KANSL3: variants seen among roughly 807,000 people sequenced by gnomAD.
KANSL3 encodes NSL complex protein NSL3.
KANSL3 carries 16 observed loss-of-function variants against 89.2 expected under a neutral mutation model. The ratio of observed to expected loss-of-function variants is 0.18; its 90% CI spans 0.12 to 0.27. The LOEUF is 0.27. Ranked by LOEUF, KANSL3 falls within the 10% of genes least tolerant of loss-of-function variation. The probability of loss-of-function intolerance (pLI) is 1.00; values close to 1 mark genes in which losing one functional copy is unlikely to be tolerated. For synonymous variants in KANSL3, 385 were observed against 419.7 expected (o/e 0.92, Z 1.01); for missense variants, 879 against 1,110.6 (o/e 0.79, Z 2.96).
At position 96,608,848 on chromosome 2, in the gene KANSL3, TC is replaced by T; in HGVS notation, c.1584+15del. ...CTGATTCCCCAGCAAAAGCGCTCCC[TC>T]CCTGCTCACACTACCTCTGAGCCTG... On this transcript the variant is annotated intron_variant, in intron 13 of 20. Transcript: ENST00000431828. 1 of 1,555,258 alleles carries T rather than the reference TC, an allele frequency of 6.4e-7. No homozygotes were observed. The highest frequency in any genetic ancestry group is 8.7e-7 in the Non-Finnish European group (1 of 1,150,398).
the KANSL3 span, among the ~76,000 whole-genome samples, chr2:96,585,019 G>T: frequency 6.6e-6 from 1 of 152,150 alleles, no homozygotes; most frequent in African/African-American, 2.4e-5. Flanking sequence ...CAAACGCTGC[G>T]GTGGATGTGG....
rs763410625 is a variant in KANSL3 at position 96,608,790 on chromosome 2, T to A, written c.1584+74A>T. The A allele has an allele frequency of 1.7e-5, 26 of 1,520,368 alleles. No individual in the cohort carries two copies. The African/African-American group carries it at 2.9e-4, about 17-fold the overall frequency. 94.2% of individuals were successfully genotyped at this position (1,520,368 alleles called of 1,614,324 possible). On this transcript the variant is annotated intron_variant, in intron 13 of 20. Coordinates refer to ENST00000431828, the MANE Select transcript of KANSL3 (RefSeq NM_001115016.3). Reference sequence around the variant, plus strand: ...CCATGGCACTAATAAGACAGAGGCATCCCCAGGAAATTAAGGAACCAACTC... The same window carrying A: ...CCATGGCACTAATAAGACAGAGGCAACCCCAGGAAATTAAGGAACCAACTC...
intron 2 of KANSL3, among the ~76,000 whole-genome samples, chr2:96,634,733 T>C (rs1470693369): frequency 1.3e-5 from 2 of 152,194 alleles, no homozygotes; most frequent in Admixed American, 6.5e-5. Flanking sequence ...TGAAATGAAA[T>C]CATGTGCAGC....
At chr2:96,590,286 TG>T (rs1180709646), downstream of KANSL3, among the ~76,000 whole-genome samples, 1 of 152,080 alleles carries the variant, frequency 6.6e-6, no homozygotes, top group Admixed American at 6.6e-5. Context: ...TGAAAAACAG[TG>T]GCAGTTTCTT....
rs373463710 is a variant in KANSL3 at position 96,604,855 on chromosome 2, C to T, written c.1942G>A (p.Gly648Arg). ...SQGSAPEAAG[G>R]KPITMTLGQA... ...CCCAGTGTCATGGTGATGGGCTTCC[C>T]ACCTGCAGCTTCAAAACAGAAAACC... Residue 648 changes from glycine to arginine, a missense_variant, in exon 16 of 21, where the codon GGG becomes AGG. This residue lies in a region of KANSL3 where 317 missense variants were observed against 311.2 expected (regional missense o/e 1.02). Coordinates refer to ENST00000431828, the MANE Select transcript of KANSL3 (RefSeq NM_001115016.3). 4 of 1,592,154 alleles carry T rather than the reference C, an allele frequency of 2.5e-6. No homozygotes were observed. The highest frequency in any genetic ancestry group is 2.6e-6 in the Non-Finnish European group (3 of 1,169,304).
chr2:96,601,674 G>A lies in KANSL3; in HGVS notation c.2585C>T (p.Ser862Phe), dbSNP rs1255881869. Residue 862 changes from serine to phenylalanine, a missense_variant, in exon 20 of 21, where the codon TCC becomes TTC. Physicochemically the swap from Ser to Phe is radical, Grantham distance 155. Coordinates refer to ENST00000431828, the MANE Select transcript of KANSL3 (RefSeq NM_001115016.3). Reference protein sequence around the residue: ...MGSGAAPSEESSSQVLPSSSQ... With the variant: ...MGSGAAPSEEFSSQVLPSSSQ... ...GCTGGAGGGCAGCACCTGGGAAGAG[G>A]ACTCCTCGGATGGGGCTGCTCCTGA... The A allele has an allele frequency of 6.2e-7, 1 of 1,613,584 alleles. No individual in the cohort carries two copies.
chr2:96,634,407 T>C (rs925062471), intron 2 of KANSL3, among the ~76,000 whole-genome samples: 2 of 152,114 alleles, frequency 1.3e-5, no homozygotes, highest in African/African-American at 4.8e-5. Flanking sequence ...TCCCAGCTAC[T>C]TGGGAGGCTG....
the KANSL3 span, among the ~76,000 whole-genome samples, chr2:96,584,112 C>A: frequency 6.6e-6 from 1 of 152,156 alleles, no homozygotes; most frequent in African/African-American, 2.4e-5. Context: ...TGTCCTCGGT[C>A]AAATACATAT....
intron 5 of KANSL3, among the ~76,000 whole-genome samples, chr2:96,616,180 A>C (rs1385639164): frequency 6.6e-6 from 1 of 152,188 alleles, no homozygotes; most frequent in Admixed American, 6.5e-5. Context: ...ATAGGACCAA[A>C]CCGCAAAGGA....
intron 11 of KANSL3, 169 bp downstream of exon 11, chr2:96,610,557 C>T (rs555564087): frequency 4.4e-5 from 26 of 590,202 alleles, no homozygotes; most frequent in East Asian, 2.1e-4. Context: ...CCTCGTGATC[C>T]GCCTGCCTCA....
intron 15 of KANSL3, among the ~76,000 whole-genome samples, 200 bp downstream of exon 15, chr2:96,605,120 C>A (rs968117276): frequency 6.6e-6 from 1 of 152,240 alleles, no homozygotes; most frequent in Non-Finnish European, 1.5e-5. Flanking sequence ...GGCACAGCTT[C>A]CTCTCATATT....
chr2:96,597,508 A>G (rs1178541968), intron 20 of KANSL3, among the ~76,000 whole-genome samples: 4 of 152,246 alleles, frequency 2.6e-5, no homozygotes, highest in Non-Finnish European at 5.9e-5. Context: ...CTTCTGAATC[A>G]GCAAGAAGCC....
intron 3 of KANSL3, among the ~76,000 whole-genome samples, chr2:96,621,421 G>A (rs555248987): frequency 1.2e-3 from 186 of 151,820 alleles, no homozygotes; most frequent in Admixed American, 2.1e-3. Flanking sequence ...GGCTGAGGCA[G>A]AAGAAGCACT....
intron 20 of KANSL3, among the ~76,000 whole-genome samples, chr2:96,595,836 T>G (rs2066479118): frequency 6.6e-6 from 1 of 152,184 alleles, no homozygotes; most frequent in Non-Finnish European, 1.5e-5. Flanking sequence ...AGACTCAACT[T>G]TCCACTTTTT....
In KANSL3 at chr2:96,610,730, G is replaced by C. The variant is rs1315668397; in HGVS notation, c.1315C>G (p.Leu439Val). Reference sequence around the variant, plus strand: ...GCTCTGGGAGAATCCACCCACCTGAGATTGTCATCAGCTCCCCCAACCACC... The same window carrying C: ...GCTCTGGGAGAATCCACCCACCTGACATTGTCATCAGCTCCCCCAACCACC... The part of the protein sequence containing the change: ...LVVVGGADDN[L>V]RISKAKKKSE... The change falls in exon 11 of 21, where the codon CTC (leucine) becomes GTC (valine). Residue 439 changes from leucine (L) to valine (V), a missense_variant. By Grantham distance (32) the Leu-to-Val change is conservative. This residue lies in a region of KANSL3 where 198 missense variants were observed against 260.3 expected (regional missense o/e 0.76). Transcript: ENST00000431828. 3 of 1,613,866 alleles carry C rather than the reference G, an allele frequency of 1.9e-6. No individual in the cohort carries two copies. The highest frequency in any genetic ancestry group is 1.7e-5 in the Admixed American group (1 of 60,026).
At chr2:96,635,165 C>T (rs2074071463) in intron 2 of KANSL3, among the ~76,000 whole-genome samples, 1 of 152,150 alleles carries the variant, frequency 6.6e-6, no homozygotes, top group Non-Finnish European at 1.5e-5. Context: ...ACAAAAAATC[C>T]AAAATGATCT....
downstream of KANSL3, among the ~76,000 whole-genome samples, chr2:96,591,869 C>T (rs1468894601): frequency 6.6e-6 from 1 of 151,180 alleles, no homozygotes; most frequent in African/African-American, 2.5e-5. Flanking sequence ...GTACCAAAAC[C>T]GTGAGGCTCC....
chr2:96,624,308 G>T (rs1018533882), intron 3 of KANSL3, among the ~76,000 whole-genome samples: 3 of 152,168 alleles, frequency 2.0e-5, no homozygotes, highest in Non-Finnish European at 4.4e-5. Context: ...GTGGTAGGAG[G>T]AGACAGAGGA....
chr2:96,595,811 G>A lies in KANSL3; in HGVS notation c.2617-180C>T, dbSNP rs116684280. Among the ~76,000 whole-genome samples, 882 of 152,328 alleles carry A rather than the reference G, an allele frequency of 5.8e-3. 11 individuals carry two copies. The highest frequency in any genetic ancestry group is 0.02 in the African/African-American group (829 of 41,570). Reference sequence around the variant, plus strand: ...AGCTGCCAAGTGGTTAACAGAACATGGACTCTAGAGTGAGAGACTCAACTT... The same window carrying A: ...AGCTGCCAAGTGGTTAACAGAACATAGACTCTAGAGTGAGAGACTCAACTT... On this transcript the variant is annotated intron_variant, in intron 20 of 20. Transcript: ENST00000431828.
Sources: allele counts gnomAD v4.1 joint callset (sites outside exome capture counted in the v4.1 genomes callset), GRCh38; gene constraint gnomAD v4.1.1; regional missense constraint gnomAD v4.1.1; transcripts MANE v1.5; gene names NCBI Gene and HGNC (gene_info 2026-07-23, HGNC 2026-07-21).